CADPS: variants seen among roughly 807,000 people sequenced by gnomAD.
The protein encoded by CADPS is calcium-dependent secretion activator 1.
In CADPS, 57 loss-of-function variants were observed where a neutral mutation model predicts 167.3. The observed-to-expected ratio is 0.34, with a 90% CI of 0.28 to 0.42. The LOEUF (loss-of-function observed/expected upper bound fraction) is 0.42. Ranked by LOEUF, CADPS falls within the 20% of genes least tolerant of loss-of-function variation. The probability of loss-of-function intolerance (pLI) is 1.00; values close to 1 mark genes in which losing one functional copy is unlikely to be tolerated. For synonymous variants in CADPS, 676 were observed against 635.3 expected, an observed-to-expected ratio of 1.06 and a Z score of -0.96; for missense variants, 1,414 against 1,738.1, an observed-to-expected ratio of 0.81 and a Z score of 3.32.
At chr3:62,552,676 C>T (rs998588284) in intron 10 of CADPS, among the ~76,000 whole-genome samples, 7 of 152,070 alleles carry the variant, frequency 4.6e-5, no homozygotes, top group East Asian at 1.9e-4. Flanking sequence ...TTCATTGTGC[C>T]GATGCAATTT....
intron 10 of CADPS, among the ~76,000 whole-genome samples, 191 bp downstream of exon 10, chr3:62,557,214 G>A (rs12106956): frequency 0.019 from 2,870 of 152,170 alleles, 60 homozygotes; most frequent in African/African-American, 0.048. Context: ...CACTAGGTTA[G>A]GATGGCATTT....
intron 3 of CADPS, among the ~76,000 whole-genome samples, chr3:62,683,462 G>A (rs921673294): frequency 1.3e-5 from 2 of 151,990 alleles, no homozygotes; most frequent in Non-Finnish European, 2.9e-5. Flanking sequence ...TAAATCAGCT[G>A]TTTTGGAATC....
chr3:62,707,068 G>A (rs1253464022), intron 3 of CADPS, among the ~76,000 whole-genome samples: 1 of 152,066 alleles, frequency 6.6e-6, no homozygotes, highest in East Asian at 1.9e-4. Context: ...ATGAATTTTA[G>A]AGCAGAGGTC....
chr3:62,719,269 C>T (rs572690209), intron 3 of CADPS, among the ~76,000 whole-genome samples: 2 of 152,324 alleles, frequency 1.3e-5, no homozygotes, highest in East Asian at 3.9e-4. Flanking sequence ...GACATCTAGA[C>T]ACTCTCCTGG....
chr3:62,682,393 G>A (rs960951540), intron 3 of CADPS, among the ~76,000 whole-genome samples: 2 of 152,056 alleles, frequency 1.3e-5, no homozygotes, highest in African/African-American at 4.8e-5. Flanking sequence ...AGCCCAAAAA[G>A]CACTAGAGAT....
At chr3:62,796,202 A>T (rs1243575924) in intron 1 of CADPS, 1 of 152,218 alleles carries the variant, frequency 6.6e-6, no homozygotes, top group Non-Finnish European at 1.5e-5. Flanking sequence ...GAACAGCATA[A>T]GAGTTTGACC....
intron 3 of CADPS, among the ~76,000 whole-genome samples, chr3:62,706,159 C>T (rs535106469): frequency 6.6e-6 from 1 of 152,198 alleles, no homozygotes; most frequent in Non-Finnish European, 1.5e-5. Context: ...GCTTGGGATT[C>T]CCCAGAACAT....
chr3:62,827,143 T>C (rs1313629526), intron 1 of CADPS, among the ~76,000 whole-genome samples: 1 of 152,000 alleles, frequency 6.6e-6, no homozygotes, highest in Non-Finnish European at 1.5e-5. Context: ...ATTTCTTGAT[T>C]CCCCCCACCC....
intron 13 of CADPS, among the ~76,000 whole-genome samples, chr3:62,519,048 T>C (rs1577123058): frequency 1.3e-5 from 2 of 152,198 alleles, no homozygotes; most frequent in East Asian, 3.9e-4. Context: ...ACTCTATTTG[T>C]TATGGACCAT....
At chr3:62,730,679 C>A (rs1224434059) in intron 3 of CADPS, among the ~76,000 whole-genome samples, 1 of 152,162 alleles carries the variant, frequency 6.6e-6, no homozygotes, top group Non-Finnish European at 1.5e-5. Flanking sequence ...CCAGACACTG[C>A]AGGAGAAATA....
At chr3:62,488,045 A>G (rs1561104771) in intron 21 of CADPS, among the ~76,000 whole-genome samples, 1 of 152,206 alleles carries the variant, frequency 6.6e-6, no homozygotes, top group Non-Finnish European at 1.5e-5. Flanking sequence ...GAGGATAACA[A>G]TTGTTTGAAA....
chr3:62,741,441 T>A (rs1270177688), intron 3 of CADPS, among the ~76,000 whole-genome samples: 1 of 152,178 alleles, frequency 6.6e-6, no homozygotes, highest in Non-Finnish European at 1.5e-5. Flanking sequence ...AAGTAGGACT[T>A]CAACCTGGGA....
intron 1 of CADPS, among the ~76,000 whole-genome samples, chr3:62,848,135 T>C (rs1340210339): frequency 6.9e-6 from 1 of 144,856 alleles, no homozygotes; most frequent in Admixed American, 6.7e-5. Context: ...TGTTCGTTTT[T>C]TTCTTGTAAA....
intron 3 of CADPS, among the ~76,000 whole-genome samples, chr3:62,674,731 T>G (rs77085422): frequency 0.036 from 5,517 of 152,272 alleles, 351 homozygotes; most frequent in African/African-American, 0.13. Flanking sequence ...ATATACTGCA[T>G]TGTGTGCAAA....
At chr3:62,499,437 A>G in intron 17 of CADPS, 169 bp from the exon 18 acceptor site, 2 of 500,714 alleles carry the variant, frequency 4.0e-6, no homozygotes, top group Middle Eastern at 4.9e-4. Context: ...AAGCCATTTT[A>G]TTATTATCAC....
At chr3:62,595,307 C>T (rs2148885782) in intron 6 of CADPS, among the ~76,000 whole-genome samples, 1 of 152,144 alleles carries the variant, frequency 6.6e-6, no homozygotes. Context: ...GTTTGAGGTA[C>T]AGATAGAAGC....
chr3:62,703,012 A>T (rs878986893), intron 3 of CADPS, among the ~76,000 whole-genome samples: 11 of 152,128 alleles, frequency 7.2e-5, no homozygotes, highest in Non-Finnish European at 1.3e-4. Flanking sequence ...TTTAGCTGAG[A>T]TATCCTGGTG....
rs908434191 is a variant in CADPS at position 62,511,279 on chromosome 3, C to A, written c.2599+1472G>T. 3.9e-5 allele frequency among the ~76,000 whole-genome samples: 6 copies of A among 152,162 alleles called. No individual in the cohort carries two copies. In the South Asian group the frequency reaches 8.3e-4, roughly 21 times the overall value. On this transcript the variant is annotated intron_variant, in intron 17 of 29. Transcript: ENST00000383710. The stretch of plus-strand genomic sequence containing the variant: ...CTGCCTACCTTGCCATCATCAGCAC[C>A]CATCCACTACTATCATTTCACTCTG...
At chr3:62,706,509 A>T (rs1196613350) in intron 3 of CADPS, among the ~76,000 whole-genome samples, 1 of 152,108 alleles carries the variant, frequency 6.6e-6, no homozygotes, top group African/African-American at 2.4e-5. Context: ...GGGTGGCTTA[A>T]ACAGCAGAAA....
Sources: gnomAD v4.1 joint callset for allele counts (sites outside exome capture counted in the v4.1 genomes callset) on GRCh38, gnomAD v4.1.1 for gene constraint, MANE v1.5 for transcripts, NCBI Gene and HGNC (gene_info 2026-07-23, HGNC 2026-07-21) for gene names.